The following NCOA3 variants were observed in gnomAD, a reference collection of about 807,000 sequenced individuals.
The protein encoded by NCOA3 is nuclear receptor coactivator 3, also known as CBP-interacting protein.
NCOA3 carries 51 observed loss-of-function variants against 158.8 expected under a neutral mutation model. The observed-to-expected ratio is 0.32, with a 90% CI of 0.26 to 0.41. The LOEUF (loss-of-function observed/expected upper bound fraction) is 0.41, where lower values mean the gene tolerates loss of function less well. Among genes scored for constraint, NCOA3 ranks in the 10% least tolerant of loss-of-function variants. The pLI is 1.00. For synonymous variants in NCOA3, 537 were observed against 592.4 expected (o/e 0.91, Z 1.36); for missense variants, 1,510 against 1,746.6 (o/e 0.86, Z 2.41).
At chr20:47,525,323 A>G (rs1331062228) in intron 1 of NCOA3, among the ~76,000 whole-genome samples, 4 of 150,488 alleles carry the variant, frequency 2.7e-5, no homozygotes, top group Non-Finnish European at 5.9e-5. Context: ...AAAGTCTCCC[A>G]TGTCTACCTC....
At chr20:47,594,481 G>T (rs1360192744) in intron 2 of NCOA3, among the ~76,000 whole-genome samples, 1 of 151,692 alleles carries the variant, frequency 6.6e-6, no homozygotes, top group Admixed American at 6.6e-5. Context: ...TGGCCAACAT[G>T]ATGAGATCTC....
At chr20:47,611,989 T>G (rs113072294) in intron 2 of NCOA3, among the ~76,000 whole-genome samples, 2,594 of 152,192 alleles carry the variant, frequency 0.017, 77 homozygotes, top group African/African-American at 0.059. Flanking sequence ...CACGCTTGGC[T>G]AAGTGTTTTG....
intron 1 of NCOA3, among the ~76,000 whole-genome samples, chr20:47,575,759 C>A (rs2146209113): frequency 6.6e-6 from 1 of 152,024 alleles, no homozygotes; most frequent in South Asian, 2.1e-4. Flanking sequence ...TAAAATTCAA[C>A]TACCTATTGT....
intron 1 of NCOA3, among the ~76,000 whole-genome samples, chr20:47,563,152 G>A (rs892277216): frequency 6.6e-6 from 1 of 152,182 alleles, no homozygotes; most frequent in African/African-American, 2.4e-5. Context: ...GACTACTGCT[G>A]GATGTTACGA....
chr20:47,545,301 C>T (rs6090697), intron 1 of NCOA3, among the ~76,000 whole-genome samples: 3 of 150,992 alleles, frequency 2.0e-5, no homozygotes, highest in Admixed American at 1.3e-4. Flanking sequence ...CTCAGCCTCC[C>T]TAGTAGCTGG....
At chr20:47,559,240 A>AAAGGCAGTCCCTTACTGGC (rs1568682205) in intron 1 of NCOA3, among the ~76,000 whole-genome samples, 1 of 152,160 alleles carries the variant, frequency 6.6e-6, no homozygotes, top group African/African-American at 2.4e-5. Flanking sequence ...AAGAACTTTA[A>AAAGGCAGTCCCTTACTGGC]AAGGCAGTCC....
chr20:47,521,640 GCAGGTAATCAGAATAAGTCAGAGTGGAA>G (rs68038306), intron 1 of NCOA3, among the ~76,000 whole-genome samples: 31,171 of 152,056 alleles, frequency 0.2, 3,693 homozygotes, highest in Middle Eastern at 0.3. Flanking sequence ...TCAGGGTGGA[GCAGGTAATCAGAATAAGTCAGAGTGGAA>G]CAGGTAATCA....
intron 5 of NCOA3, among the ~76,000 whole-genome samples, chr20:47,625,685 A>G (rs544353976): frequency 1.3e-5 from 2 of 152,288 alleles, no homozygotes; most frequent in South Asian, 2.1e-4. Context: ...TTGCCCCCCT[A>G]GTAAAAATAT....
At chr20:47,579,153 A>C (rs527760147) in intron 1 of NCOA3, among the ~76,000 whole-genome samples, 1 of 152,306 alleles carries the variant, frequency 6.6e-6, no homozygotes, top group African/African-American at 2.4e-5. Flanking sequence ...ATAAAAACCT[A>C]AAACTAAAAC....
At chr20:47,646,220 A>G (rs1312653719) in intron 17 of NCOA3, among the ~76,000 whole-genome samples, 1 of 152,250 alleles carries the variant, frequency 6.6e-6, no homozygotes, top group African/African-American at 2.4e-5. Context: ...TGTATATTAT[A>G]TAGTTGTTAC....
At chr20:47,519,230 A>G (rs984810219) in intron 1 of NCOA3, among the ~76,000 whole-genome samples, 5 of 151,680 alleles carry the variant, frequency 3.3e-5, no homozygotes, top group Non-Finnish European at 7.4e-5. Context: ...AGGTCAGAAG[A>G]TCAAGACCAC....
chr20:47,625,039 C>T (rs6018596), intron 4 of NCOA3, among the ~76,000 whole-genome samples: 2 of 152,182 alleles, frequency 1.3e-5, no homozygotes, highest in Non-Finnish European at 2.9e-5. Flanking sequence ...TCCCAGAGTG[C>T]TGGGATTACA....
At chr20:47,523,550 AAAG>A (rs1335905225) in intron 1 of NCOA3, among the ~76,000 whole-genome samples, 2 of 152,334 alleles carry the variant, frequency 1.3e-5, no homozygotes, top group South Asian at 2.1e-4. Context: ...CCAATTCCAT[AAAG>A]AAGACTGGAA....
At chr20:47,625,614 A>G in intron 5 of NCOA3, 133 bp downstream of exon 5, 1 of 658,050 alleles carries the variant, frequency 1.5e-6, no homozygotes, top group Admixed American at 2.9e-5. Context: ...GAGACAGTTC[A>G]GTATTCTGAA....
intron 2 of NCOA3, among the ~76,000 whole-genome samples, chr20:47,612,100 T>C (rs1312666791): frequency 2.0e-5 from 3 of 152,208 alleles, no homozygotes; most frequent in African/African-American, 7.2e-5. Flanking sequence ...GTGTTGAGAT[T>C]ACAAGTGTGA....
At chr20:47,599,767 A>G (rs1183272575) in intron 2 of NCOA3, among the ~76,000 whole-genome samples, 2 of 152,244 alleles carry the variant, frequency 1.3e-5, no homozygotes, top group Admixed American at 6.5e-5. Flanking sequence ...TCATCCTGTA[A>G]TTATATGGTC....
At chr20:47,620,589 C>G (rs2086223802) in intron 2 of NCOA3, among the ~76,000 whole-genome samples, 1 of 152,164 alleles carries the variant, frequency 6.6e-6, no homozygotes, top group African/African-American at 2.4e-5. Flanking sequence ...CTGCCTGTCC[C>G]CATTCCCAGG....
At chr20:47,593,701 A>C (rs1005498775) in intron 2 of NCOA3, among the ~76,000 whole-genome samples, 4 of 152,140 alleles carry the variant, frequency 2.6e-5, no homozygotes, top group African/African-American at 7.2e-5. Flanking sequence ...CATCTTAGTT[A>C]AAATAAGAAC....
chr20:47,579,863 A>G (rs549468396), intron 1 of NCOA3, among the ~76,000 whole-genome samples: 1 of 152,178 alleles, frequency 6.6e-6, no homozygotes, highest in Non-Finnish European at 1.5e-5. Flanking sequence ...GCCTCTCTGA[A>G]CTAGAGTTTG....
Sources: allele counts gnomAD v4.1 joint callset (sites outside exome capture counted in the v4.1 genomes callset), GRCh38; gene constraint gnomAD v4.1.1; transcripts MANE v1.5; gene names NCBI Gene and HGNC (gene_info 2026-07-23, HGNC 2026-07-21).